NCS1: variants seen among roughly 807,000 people sequenced by gnomAD.
The protein encoded by NCS1 is frequenin homolog.
In NCS1, 6 loss-of-function variants were observed where a neutral mutation model predicts 28.4. The observed-to-expected ratio is 0.21, with a 90% CI of 0.12 to 0.42. The LOEUF (loss-of-function observed/expected upper bound fraction) is 0.42. NCS1 is among the 10% of genes least tolerant of loss of function. NCS1 has a pLI of 1.00. For synonymous variants in NCS1, 86 were observed against 99.3 expected (o/e 0.87, Z 0.79); for missense variants, 131 against 241.4 (o/e 0.54, Z 3.03).
chr9:130,212,465 C>T (rs1179732969), intron 2 of NCS1, among the ~76,000 whole-genome samples: 4 of 149,268 alleles, frequency 2.7e-5, no homozygotes, highest in African/African-American at 9.9e-5. Context: ...TGGCCCCGAA[C>T]GTCAGGAGTG....
chr9:130,205,691 A>T (rs1462650998), intron 2 of NCS1, among the ~76,000 whole-genome samples: 2 of 150,598 alleles, frequency 1.3e-5, no homozygotes, highest in African/African-American at 2.4e-5. Flanking sequence ...AAAAAAAAAA[A>T]GCTGGACATG....
intron 2 of NCS1, among the ~76,000 whole-genome samples, chr9:130,210,232 C>T (rs1833094607): frequency 6.6e-6 from 1 of 151,942 alleles, no homozygotes. Flanking sequence ...AACCCCGTCT[C>T]TACTAAAAAT....
chr9:130,185,809 C>A (rs895272432), intron 1 of NCS1, among the ~76,000 whole-genome samples: 7 of 152,286 alleles, frequency 4.6e-5, no homozygotes, highest in Admixed American at 2.0e-4. Context: ...CCCACCACCC[C>A]CTGCGCGCCC....
Position 130,177,224 on chromosome 9 carries a change from T to C in NCS1, c.64+4497T>C, listed in dbSNP as rs555218347. On this transcript the variant is annotated intron_variant, in intron 1 of 7. Transcript: ENST00000372398. This position sits in a 1 kb window ranked among gnomAD's most constrained non-coding sequence, Gnocchi z 4.4. ...CAGGTTGGGGTCAGCAGTTGGGTTC[T>C]TGGGTGTCTCTGGTTGTGGACTGTC... Among the ~76,000 whole-genome samples, 7 of 152,336 alleles carry C rather than the reference T, an allele frequency of 4.6e-5. No homozygotes were observed. The East Asian group carries it at 1.2e-3, about 25-fold the overall frequency.
chr9:130,216,834 G>A (rs1408509336), intron 2 of NCS1, among the ~76,000 whole-genome samples: 1 of 148,866 alleles, frequency 6.7e-6, no homozygotes, highest in Non-Finnish European at 1.5e-5. Context: ...AATAGCCGGT[G>A]TTGGTGATAG....
At chr9:130,187,982 G>C (rs1832762450) in intron 1 of NCS1, among the ~76,000 whole-genome samples, 1 of 152,206 alleles carries the variant, frequency 6.6e-6, no homozygotes, top group Admixed American at 6.5e-5. Flanking sequence ...ACTAGGGTGG[G>C]GGAGGCAGAT....
Position 130,177,105 on chromosome 9 carries a change from G to T in NCS1, c.64+4378G>T, listed in dbSNP as rs1832583182. Among the ~76,000 whole-genome samples, 1 of 152,148 alleles carries T rather than the reference G, an allele frequency of 6.6e-6. No homozygotes were observed. Among genetic ancestry groups the T allele is most frequent in the Admixed American group, 6.5e-5 (1 of 15,272 alleles). ...GACTCTCCTCTGCCTTTTCCCTAAT[G>T]CCCAGAATGGTGCCGGCACACAGGA... On this transcript the variant is annotated intron_variant, in intron 1 of 7. Coordinates refer to ENST00000372398, the MANE Select transcript of NCS1 (RefSeq NM_014286.4). This position sits in a 1 kb window ranked among gnomAD's most constrained non-coding sequence, Gnocchi z 4.4.
intron 7 of NCS1, among the ~76,000 whole-genome samples, chr9:130,228,843 CAT>C (rs1225270884): frequency 6.6e-6 from 1 of 151,236 alleles, no homozygotes. Flanking sequence ...CTAATTTTTC[CAT>C]TTTTAGTAAA....
At chr9:130,174,275 G>C (rs1444869983) in intron 1 of NCS1, among the ~76,000 whole-genome samples, 1 of 152,196 alleles carries the variant, frequency 6.6e-6, no homozygotes, top group African/African-American at 2.4e-5. Context: ...CCTCCATCAT[G>C]GTGGGACAGG....
chr9:130,211,824 T>C (rs1372661514), intron 2 of NCS1, among the ~76,000 whole-genome samples: 1 of 152,152 alleles, frequency 6.6e-6, no homozygotes, highest in Non-Finnish European at 1.5e-5. Context: ...CCGTGGCCTG[T>C]CACTGCACAA....
intron 2 of NCS1, among the ~76,000 whole-genome samples, chr9:130,203,046 ATGTGTGTGTGTG>A (rs113946626): frequency 1.9e-4 from 27 of 142,624 alleles, no homozygotes; most frequent in South Asian, 6.7e-4. Flanking sequence ...CAGGGTAAAT[ATGTGTGTGTGTG>A]TGTGTGTGTG....
rs1832555617 is a variant in NCS1, at chr9:130,175,822, C to CCATCTA, written c.64+3095_64+3096insCATCTA. Among the ~76,000 whole-genome samples the CCATCTA allele has an allele frequency of 6.6e-6, 1 of 152,240 alleles. No individual in the cohort carries two copies. Among genetic ancestry groups the CCATCTA allele is most frequent in the Non-Finnish European group, 1.5e-5 (1 of 68,046 alleles). ...CAGGTTAGGGAGAGATGGACAGGGT[C>CCATCTA]ACTCTGCAGCCAAGACTTAGACAGT... On this transcript the variant is annotated intron_variant, in intron 1 of 7. Transcript: ENST00000372398. The surrounding 1 kb of genome is among the most constrained non-coding windows in gnomAD (Gnocchi z 4.9).
At chr9:130,202,682 C>T (rs1363428935) in intron 2 of NCS1, among the ~76,000 whole-genome samples, 5 of 151,648 alleles carry the variant, frequency 3.3e-5, no homozygotes, top group South Asian at 2.1e-4. Flanking sequence ...CAGAGTCAAG[C>T]GATTCTCTTG....
chr9:130,212,477 C>T (rs1467540974), intron 2 of NCS1, among the ~76,000 whole-genome samples: 1 of 147,672 alleles, frequency 6.8e-6, no homozygotes, highest in Admixed American at 6.9e-5. Flanking sequence ...TCAGGAGTGC[C>T]GGGGTGGGGA....
intron 1 of NCS1, among the ~76,000 whole-genome samples, chr9:130,199,404 T>C (rs1329265738): frequency 6.6e-6 from 1 of 152,192 alleles, no homozygotes; most frequent in Non-Finnish European, 1.5e-5. Flanking sequence ...GCCTCCTCTC[T>C]TTTTATCTGA....
chr9:130,222,096 GTGTGTATATATATATACGTATATATATA>G (rs1564714037), intron 4 of NCS1, among the ~76,000 whole-genome samples: 2 of 64,700 alleles, frequency 3.1e-5, no homozygotes, highest in African/African-American at 1.1e-4. Flanking sequence ...ATATATGTGT[GTGTGTATATATATATACGTATATATATA>G]TGTGTATATA....
intron 2 of NCS1, among the ~76,000 whole-genome samples, chr9:130,211,060 C>G (rs1245582206): frequency 2.4e-5 from 3 of 127,192 alleles, no homozygotes; most frequent in Non-Finnish European, 4.7e-5. Flanking sequence ...GCTATGTTGC[C>G]CGGGGTGGTC....
intron 1 of NCS1, among the ~76,000 whole-genome samples, chr9:130,195,905 G>C (rs183327638): frequency 4.6e-5 from 7 of 152,324 alleles, no homozygotes; most frequent in Admixed American, 2.0e-4. Context: ...TTCCTACCCT[G>C]CCCTGAACCC....
rs966969748 is a variant in NCS1 at position 130,191,470 on chromosome 9, T to C, written c.65-9488T>C. On this transcript the variant is annotated intron_variant, in intron 1 of 7. Coordinates refer to ENST00000372398, the MANE Select transcript of NCS1 (RefSeq NM_014286.4). The surrounding 1 kb of genome is among the most constrained non-coding windows in gnomAD (Gnocchi z 6.4). Reference sequence around the variant, plus strand: ...GCCTTCCTCCCACCAGCCCGGAGGCTCTGGCATCTTTTACATGGAGGCGAG... The same window carrying C: ...GCCTTCCTCCCACCAGCCCGGAGGCCCTGGCATCTTTTACATGGAGGCGAG... Among the ~76,000 whole-genome samples the C allele has an allele frequency of 2.6e-5, 4 of 152,080 alleles. No individual in the cohort carries two copies. Among genetic ancestry groups the C allele is most frequent in the Non-Finnish European group, 5.9e-5 (4 of 68,022 alleles).
Sources: allele counts gnomAD v4.1 joint callset (sites outside exome capture counted in the v4.1 genomes callset), GRCh38; gene constraint gnomAD v4.1.1; non-coding constraint Gnocchi (gnomAD v3.1); transcripts MANE v1.5; gene names NCBI Gene and HGNC (gene_info 2026-07-23, HGNC 2026-07-21).